Variants in RPS6KC1 observed in about 807,000 individuals in gnomAD.
RPS6KC1 encodes ribosomal protein S6 kinase C1, also known as inactive ribosomal protein S6 kinase delta-1.
In RPS6KC1, 54 loss-of-function variants were observed where a neutral mutation model predicts 103.8. That is an observed-to-expected ratio of 0.52 (90% CI 0.42 to 0.65). The LOEUF is 0.65. Ranked by LOEUF, RPS6KC1 falls within the 30% of genes least tolerant of loss-of-function variation. The probability of loss-of-function intolerance (pLI) is 0.00; values close to 1 mark genes in which losing one functional copy is unlikely to be tolerated. For missense variants in RPS6KC1, 1,151 were observed against 1,253.8 expected (o/e 0.92, Z 1.24); for synonymous variants, 439 against 438.7 (o/e 1.00, Z -0.01).
chr1:213,310,358 TC>T, the RPS6KC1 span, among the ~76,000 whole-genome samples: 73 of 152,248 alleles, frequency 4.8e-4, no homozygotes, highest in South Asian at 0.015. Flanking sequence ...CCGTATCCCA[TC>T]CTCCCTCCCT....
At chr1:213,259,240 C>G (rs1026457349) in intron 12 of RPS6KC1, among the ~76,000 whole-genome samples, 4 of 152,146 alleles carry the variant, frequency 2.6e-5, no homozygotes, top group African/African-American at 9.7e-5. Context: ...ACATTTGTGT[C>G]AATTACATAT....
the RPS6KC1 span, among the ~76,000 whole-genome samples, chr1:213,748,810 G>A: frequency 6.6e-6 from 1 of 152,202 alleles, no homozygotes; most frequent in Non-Finnish European, 1.5e-5. Flanking sequence ...TTGAACACCA[G>A]CTTAAGCAGA....
At chr1:213,545,141 G>A in the RPS6KC1 span, among the ~76,000 whole-genome samples, 23 of 152,018 alleles carry the variant, frequency 1.5e-4, 1 homozygote, top group African/African-American at 4.6e-4. Context: ...TGAGGTGGGC[G>A]GATCATCTGA....
the RPS6KC1 span, among the ~76,000 whole-genome samples, chr1:213,289,775 C>T: frequency 1.3e-5 from 2 of 152,162 alleles, no homozygotes; most frequent in Admixed American, 6.5e-5. Flanking sequence ...TGCAGTGGCT[C>T]ATGCCTGTAA....
At chr1:213,104,650 T>G in intron 4 of RPS6KC1, 81 bp downstream of exon 4, 1 of 720,802 alleles carries the variant, frequency 1.4e-6, no homozygotes. Context: ...AAAATGCCAC[T>G]TTTGAATTTC....
At chr1:213,784,544 T>A in the RPS6KC1 span, among the ~76,000 whole-genome samples, 7 of 152,222 alleles carry the variant, frequency 4.6e-5, no homozygotes, top group East Asian at 5.8e-4. Flanking sequence ...AGGATTAAGA[T>A]GAACCCTTAC....
chr1:213,183,815 G>A (rs531712699), intron 8 of RPS6KC1, among the ~76,000 whole-genome samples: 80 of 152,050 alleles, frequency 5.3e-4, no homozygotes, highest in Middle Eastern at 6.8e-3. Flanking sequence ...ATAAAAAACC[G>A]TAGACAAAAA....
intron 7 of RPS6KC1, among the ~76,000 whole-genome samples, chr1:213,174,965 A>G (rs1400373584): frequency 6.6e-6 from 1 of 152,224 alleles, no homozygotes; most frequent in East Asian, 1.9e-4. Context: ...AAGCATCTTT[A>G]GAAATAAAAA....
At position 213,131,666 on chromosome 1, in the gene RPS6KC1, A is replaced by G. The variant is rs145570550; in HGVS notation, c.835+1777A>G. Among the ~76,000 whole-genome samples the G allele has an allele frequency of 3.4e-3, 523 of 152,284 alleles. 4 individuals are homozygous for G. The highest frequency in any genetic ancestry group is 5.9e-3 in the Non-Finnish European group (400 of 68,014). On this transcript the variant is annotated intron_variant, in intron 6 of 14. Coordinates refer to ENST00000366960, the MANE Select transcript of RPS6KC1 (RefSeq NM_012424.6). ...ACCATGTTTGCCAGGCTGGTCTCGA[A>G]CTACTGACCTCAGGTGATCTGTCTG... is the stretch of plus-strand genomic sequence containing the variant.
chr1:213,095,906 G>A (rs1448372028), intron 3 of RPS6KC1, among the ~76,000 whole-genome samples: 1 of 152,226 alleles, frequency 6.6e-6, no homozygotes, highest in Non-Finnish European at 1.5e-5. Context: ...ACTGATCAGG[G>A]TGGTGGTTGC....
chr1:213,846,074 C>T, the RPS6KC1 span, among the ~76,000 whole-genome samples: 3 of 148,252 alleles, frequency 2.0e-5, no homozygotes, highest in African/African-American at 7.5e-5. Context: ...AGGTGGATCA[C>T]GAGGTCAGGA....
chr1:213,117,429 T>G lies in RPS6KC1; in HGVS notation c.472+19T>G, dbSNP rs1033293297. The G allele has an allele frequency of 2.4e-5, 36 of 1,489,500 alleles. No individual in the cohort carries two copies. Among genetic ancestry groups the G allele is most frequent in the Non-Finnish European group, 3.3e-5 (35 of 1,073,186 alleles). 92.3% of individuals were successfully genotyped at this position (1,489,500 alleles called of 1,614,324 possible). A position where few individuals can be genotyped will look rare whatever the true frequency, so the allele number is the denominator to read the frequency against. On this transcript the variant is annotated intron_variant, in intron 5 of 14. Transcript: ENST00000366960. ...ACGGAAGGTAAGAGATTTTAATTTT[T>G]TTGCATTTCAAAGGTTTGGATTACA...
the RPS6KC1 span, among the ~76,000 whole-genome samples, chr1:213,697,727 G>A: frequency 3.3e-5 from 5 of 152,276 alleles, no homozygotes; most frequent in African/African-American, 1.2e-4. Flanking sequence ...AAGAGCTAAA[G>A]GGCCAGGATA....
intron 8 of RPS6KC1, among the ~76,000 whole-genome samples, chr1:213,186,027 C>A (rs1454769709): frequency 4.0e-5 from 6 of 151,198 alleles, no homozygotes. Context: ...AGTTTAACAT[C>A]ATCACCCCCA....
the RPS6KC1 span, among the ~76,000 whole-genome samples, chr1:213,561,959 A>C: frequency 2.0e-5 from 3 of 152,218 alleles, no homozygotes; most frequent in South Asian, 6.2e-4. Flanking sequence ...TCAAGGTTGC[A>C]CTTTCAATAT....
the RPS6KC1 span, among the ~76,000 whole-genome samples, chr1:213,453,183 G>A: frequency 6.6e-6 from 1 of 152,192 alleles, no homozygotes; most frequent in African/African-American, 2.4e-5. Context: ...ACGGTAAGGA[G>A]AGGCAATTTA....
At chr1:213,418,265 G>A in the RPS6KC1 span, among the ~76,000 whole-genome samples, 2 of 152,202 alleles carry the variant, frequency 1.3e-5, no homozygotes, top group African/African-American at 4.8e-5. Flanking sequence ...TATGTGCAAG[G>A]TGCCCAGGGT....
At chr1:213,645,083 G>T in the RPS6KC1 span, among the ~76,000 whole-genome samples, 105 of 152,200 alleles carry the variant, frequency 6.9e-4, no homozygotes, top group South Asian at 1.5e-3. Context: ...AGGAAGGGAG[G>T]TTGTAGACTC....
the RPS6KC1 span, among the ~76,000 whole-genome samples, chr1:213,547,782 C>T: frequency 8.5e-5 from 13 of 152,248 alleles, no homozygotes; most frequent in Middle Eastern, 3.4e-3. Flanking sequence ...TACTTTCCAC[C>T]GTGAGTGGAA....
Sources: gnomAD v4.1 joint callset for allele counts (sites outside exome capture counted in the v4.1 genomes callset) on GRCh38, gnomAD v4.1.1 for gene constraint, MANE v1.5 for transcripts, NCBI Gene and HGNC (gene_info 2026-07-23, HGNC 2026-07-21) for gene names.